Variants in INPP4B observed in about 807,000 individuals in gnomAD.
The protein encoded by INPP4B is inositol polyphosphate 4-phosphatase type II.
INPP4B carries 55 observed loss-of-function variants against 122.5 expected under a neutral mutation model. The ratio of observed to expected loss-of-function variants is 0.45; its 90% CI spans 0.36 to 0.56. The LOEUF (loss-of-function observed/expected upper bound fraction) is 0.56, where lower values mean the gene tolerates loss of function less well. Among genes scored for constraint, INPP4B ranks in the 20% least tolerant of loss-of-function variants. The probability of loss-of-function intolerance (pLI) is 0.00; values close to 1 mark genes in which losing one functional copy is unlikely to be tolerated. For missense variants in INPP4B, 1,000 were observed against 1,097.7 expected (o/e 0.91, Z 1.26); for synonymous variants, 403 against 388.7 (o/e 1.04, Z -0.43).
At chr4:142,798,680 G>C (rs940593192) in intron 1 of INPP4B, among the ~76,000 whole-genome samples, 1 of 151,902 alleles carries the variant, frequency 6.6e-6, no homozygotes, top group East Asian at 1.9e-4. Flanking sequence ...AAAAAGGGAA[G>C]GAATTGTGTG....
chr4:142,701,971 T>C (rs1761839299), intron 2 of INPP4B, among the ~76,000 whole-genome samples: 2 of 152,194 alleles, frequency 1.3e-5, no homozygotes. Flanking sequence ...TTATGAGAGT[T>C]CAACACAAAA....
rs962693749 is a variant in INPP4B, at chr4:142,383,404, T to C, written c.372+19534A>G. ...TACCCATAAAAGGTGCTTGAAAGAA[T>C]AACTGCTTACCACCTAGGCTATGAG... On this transcript the variant is annotated intron_variant, in intron 7 of 25. Transcript: ENST00000262992. Among the ~76,000 whole-genome samples the C allele has an allele frequency of 1.1e-4, 16 of 152,156 alleles. 1 individual carries two copies. The highest frequency in any genetic ancestry group is 2.2e-4 in the Non-Finnish European group (15 of 68,028).
intron 16 of INPP4B, 69 bp downstream of exon 16, chr4:142,173,563 G>C: frequency 7.4e-7 from 1 of 1,355,592 alleles, no homozygotes. Context: ...GGCGATGTAT[G>C]CAGAAAGCCA....
chr4:142,129,335 T>C (rs944201057), intron 18 of INPP4B, among the ~76,000 whole-genome samples: 9 of 152,196 alleles, frequency 5.9e-5, no homozygotes, highest in Non-Finnish European at 1.3e-4. Flanking sequence ...TTGTTGATTT[T>C]GAAGGGCCTA....
intron 9 of INPP4B, among the ~76,000 whole-genome samples, chr4:142,302,480 T>G (rs1419257978): frequency 6.6e-6 from 1 of 152,190 alleles, no homozygotes; most frequent in African/African-American, 2.4e-5. Flanking sequence ...ATACCCTGCC[T>G]TTCCCATTTA....
intron 24 of INPP4B, among the ~76,000 whole-genome samples, chr4:142,084,811 TTATC>T (rs143021683): frequency 0.01 from 1,590 of 152,314 alleles, 29 homozygotes; most frequent in African/African-American, 0.037. Context: ...TATCCTTAAT[TTATC>T]TATTTACATA....
intron 2 of INPP4B, among the ~76,000 whole-genome samples, chr4:142,612,935 A>T (rs146660432): frequency 6.6e-6 from 1 of 152,280 alleles, no homozygotes; most frequent in Non-Finnish European, 1.5e-5. Context: ...TCCTGGACCT[A>T]TTTCTAGCTA....
At chr4:142,211,267 C>T (rs1430332256) in intron 12 of INPP4B, among the ~76,000 whole-genome samples, 3 of 152,068 alleles carry the variant, frequency 2.0e-5, no homozygotes, top group African/African-American at 7.2e-5. Context: ...TTAATAAGCA[C>T]ATTAATTTCA....
At chr4:142,101,492 C>T (rs1784457415) in intron 23 of INPP4B, among the ~76,000 whole-genome samples, 1 of 152,124 alleles carries the variant, frequency 6.6e-6, no homozygotes, top group Non-Finnish European at 1.5e-5. Context: ...TCAATTTATA[C>T]TCTGTTTCTC....
At position 142,429,216 on chromosome 4, in the gene INPP4B, A is replaced by G. The variant is rs138576528; in HGVS notation, c.93T>C (p.Ser31=). 3.8e-5 allele frequency: 59 copies of G among 1,542,316 alleles called. No homozygotes were observed. The highest frequency in any genetic ancestry group is 4.8e-5 in the Non-Finnish European group (54 of 1,122,910). ...GCGGTTCATTTGGAGTCTTCTGGAT[A>G]CCTATAAATAATAGGAGCAAATTCA... is the stretch of plus-strand genomic sequence containing the variant. ...ANDPGDCQFT[S]IQKTPNEPQL... Residue 31 remains serine, a splice_region_variant and synonymous_variant, in exon 5 of 26, where the codon AGT becomes AGC. Transcript: ENST00000262992.
At position 142,394,184 on chromosome 4, in the gene INPP4B, C is replaced by T. The variant is rs564384649; in HGVS notation, c.372+8754G>A. On this transcript the variant is annotated intron_variant, in intron 7 of 25. Transcript: ENST00000262992. ...GTTTTGAGACGGAGTCTCGCTCTGT[C>T]GCCCAGGGTAGAGTGCTGGGGCACA... Among the ~76,000 whole-genome samples the T allele has an allele frequency of 3.3e-5, 5 of 152,256 alleles. No individual in the cohort carries two copies. The South Asian group carries it at 8.3e-4, about 25-fold the overall frequency.
At chr4:142,463,586 G>A (rs922550279) in intron 2 of INPP4B, among the ~76,000 whole-genome samples, 3 of 152,068 alleles carry the variant, frequency 2.0e-5, no homozygotes, top group African/African-American at 7.2e-5. Context: ...TAGATGATAT[G>A]GTCTGGCTGT....
In INPP4B at chr4:142,122,148, C is replaced by G; in HGVS notation, c.2115G>C (p.Leu705Phe). ...CTTACCGTCTTCCTGTTATAACTGG[C>G]AACACATCATTGGATTTGGCTTCAA... ...KIIEAKSNDVLPVITGRREHY... is the reference protein window; with the variant it reads ...KIIEAKSNDVFPVITGRREHY... Residue 705 changes from leucine to phenylalanine, a missense_variant, in exon 21 of 26, where the codon TTG becomes TTC. Physicochemically the swap from Leu to Phe is conservative, Grantham distance 22. Transcript: ENST00000262992. 1 of 1,609,864 alleles carries G rather than the reference C, an allele frequency of 6.2e-7. No individual in the cohort carries two copies. Among genetic ancestry groups the G allele is most frequent in the Non-Finnish European group, 8.5e-7 (1 of 1,177,570 alleles).
chr4:142,276,317 A>C (rs1748376278), intron 9 of INPP4B, among the ~76,000 whole-genome samples: 2 of 151,992 alleles, frequency 1.3e-5, no homozygotes, highest in South Asian at 2.1e-4. Context: ...CCAGTACTTA[A>C]AGGGGCTTAA....
chr4:142,547,003 A>G (rs941304378), intron 2 of INPP4B, among the ~76,000 whole-genome samples: 1 of 152,114 alleles, frequency 6.6e-6, no homozygotes, highest in Non-Finnish European at 1.5e-5. Context: ...AGATTATTTC[A>G]GTTAACTTAA....
intron 2 of INPP4B, among the ~76,000 whole-genome samples, chr4:142,651,748 A>G (rs960292264): frequency 3.3e-5 from 5 of 152,180 alleles, no homozygotes; most frequent in African/African-American, 1.2e-4. Flanking sequence ...CAACCAAAAA[A>G]AAGTCCAGCA....
intron 25 of INPP4B, among the ~76,000 whole-genome samples, chr4:142,078,143 C>G (rs1771847350): frequency 6.6e-6 from 1 of 150,806 alleles, no homozygotes; most frequent in African/African-American, 2.4e-5. Flanking sequence ...ACCCGAAAGC[C>G]CCATCAGGAG....
rs1440955204 is a variant in INPP4B, at chr4:142,061,883, CACATATATATATATATATATAT to C, written c.2642+20126_2642+20147del. ...ATATATGTACACACACACACACACACACATATATATATATATATATATATATATATATATATATATATATATA... is the reference window on the plus strand; with the variant it reads ...ATATATGTACACACACACACACACACATATATATATATATATATATATATA... On this transcript the variant is annotated intron_variant, in intron 25 of 25. Transcript: ENST00000262992. 8.7e-3 allele frequency among the ~76,000 whole-genome samples: 102 copies of C among 11,674 alleles called. 1 individual carries two copies. Among genetic ancestry groups the C allele is most frequent in the African/African-American group, 0.012 (94 of 7,896 alleles). 7.7% of individuals were successfully genotyped at this position (11,674 alleles called of 152,430 possible). A position where few individuals can be genotyped will look rare whatever the true frequency, so the allele number is the denominator to read the frequency against.
At chr4:142,224,503 T>C (rs1372864267) in intron 12 of INPP4B, among the ~76,000 whole-genome samples, 1 of 152,202 alleles carries the variant, frequency 6.6e-6, no homozygotes, top group Non-Finnish European at 1.5e-5. Context: ...AGAATAGCTT[T>C]ACTGCTTAGA....
Sources: allele counts gnomAD v4.1 joint callset (sites outside exome capture counted in the v4.1 genomes callset), GRCh38; gene constraint gnomAD v4.1.1; transcripts MANE v1.5; gene names NCBI Gene and HGNC (gene_info 2026-07-23, HGNC 2026-07-21).